Variants in ZPBP observed in about 807,000 individuals in gnomAD.
The protein encoded by ZPBP is zona pellucida-binding protein 1.
Under a neutral mutation model 44.8 loss-of-function variants are expected in ZPBP, and 26 were observed. The ratio of observed to expected loss-of-function variants is 0.58; its 90% CI spans 0.43 to 0.81. The LOEUF (loss-of-function observed/expected upper bound fraction) is 0.81, where lower values mean the gene tolerates loss of function less well. ZPBP is among the 30% of genes least tolerant of loss of function. The pLI is 0.00. For missense variants in ZPBP, 409 were observed against 434.0 expected, an observed-to-expected ratio of 0.94 and a Z score of 0.51; for synonymous variants, 174 against 153.2, an observed-to-expected ratio of 1.14 and a Z score of -1.00.
intron 2 of ZPBP, among the ~76,000 whole-genome samples, chr7:49,890,405 T>C (rs970368462): frequency 6.6e-6 from 1 of 152,212 alleles, no homozygotes; most frequent in African/African-American, 2.4e-5. Flanking sequence ...TGGAAAGGAA[T>C]GCATATATAA....
chr7:50,022,003 GA>G (rs1799121203), intron 5 of ZPBP, among the ~76,000 whole-genome samples: 1 of 152,074 alleles, frequency 6.6e-6, no homozygotes, highest in Non-Finnish European at 1.5e-5. Flanking sequence ...GATTTTTCAT[GA>G]AAAACCACAG....
intron 3 of ZPBP, among the ~76,000 whole-genome samples, chr7:50,079,078 G>A (rs893055155): frequency 1.3e-5 from 2 of 151,438 alleles, no homozygotes; most frequent in African/African-American, 4.8e-5. Flanking sequence ...TATCTATAAA[G>A]AGATAACACA....
intron 6 of ZPBP, among the ~76,000 whole-genome samples, chr7:49,999,101 A>G (rs1797984302): frequency 6.6e-6 from 1 of 151,868 alleles, no homozygotes; most frequent in Non-Finnish European, 1.5e-5. Flanking sequence ...AAAACCCAAA[A>G]CACTTCTGGT....
intron 6 of ZPBP, among the ~76,000 whole-genome samples, chr7:50,016,696 A>G (rs751463304): frequency 4.0e-4 from 61 of 152,240 alleles, no homozygotes; most frequent in Non-Finnish European, 7.6e-4. Flanking sequence ...CCCATTTCCA[A>G]ATAAATTATC....
intron 7 of ZPBP, among the ~76,000 whole-genome samples, chr7:49,978,337 T>C (rs1240457160): frequency 2.0e-5 from 3 of 151,906 alleles, no homozygotes; most frequent in African/African-American, 7.2e-5. Flanking sequence ...AACAAAATGT[T>C]GTACATTATA....
intron 1 of ZPBP, chr7:49,917,754 C>A (rs1032116491): frequency 6.6e-6 from 1 of 151,902 alleles, no homozygotes; most frequent in African/African-American, 2.4e-5. Context: ...ATTTAATGAT[C>A]ATTATTTTAT....
intron 1 of ZPBP, among the ~76,000 whole-genome samples, chr7:49,901,663 G>A (rs1704069071): frequency 6.6e-6 from 1 of 151,784 alleles, no homozygotes; most frequent in Admixed American, 6.6e-5. Context: ...AAAATCCCAG[G>A]AAGCAATTTT....
intron 2 of ZPBP, among the ~76,000 whole-genome samples, chr7:49,865,158 T>C (rs565200023): frequency 4.6e-5 from 7 of 152,332 alleles, no homozygotes; most frequent in Middle Eastern, 3.4e-3. Context: ...TATAAGAATA[T>C]GCCAGTTCAG....
At chr7:49,877,481 A>ATAT (rs1554338250) in intron 2 of ZPBP, among the ~76,000 whole-genome samples, 1 of 12,730 alleles carries the variant, frequency 7.9e-5, no homozygotes, top group Non-Finnish European at 1.4e-4. Context: ...AAAAAAAAAA[A>ATAT]ATATATATAT....
intron 7 of ZPBP, among the ~76,000 whole-genome samples, chr7:49,945,117 G>A (rs771806927): frequency 6.6e-6 from 1 of 152,028 alleles, no homozygotes; most frequent in Non-Finnish European, 1.5e-5. Flanking sequence ...GGTCATTCAG[G>A]AGCATATTGT....
intron 4 of ZPBP, among the ~76,000 whole-genome samples, chr7:50,054,892 G>T (rs1800858594): frequency 6.6e-6 from 1 of 151,758 alleles, no homozygotes; most frequent in Non-Finnish European, 1.5e-5. Flanking sequence ...CAAATAACAA[G>T]ATTTGAATAA....
intron 7 of ZPBP, among the ~76,000 whole-genome samples, chr7:49,968,921 G>A (rs370036669): frequency 1.3e-4 from 19 of 151,858 alleles, no homozygotes; most frequent in East Asian, 1.2e-3. Flanking sequence ...CATAGACATA[G>A]GATGAATAAA....
chr7:49,882,864 TTTG>T (rs201572339), intron 2 of ZPBP, among the ~76,000 whole-genome samples: 68 of 152,018 alleles, frequency 4.5e-4, no homozygotes, highest in Non-Finnish European at 8.4e-4. Context: ...TTTTTTTGTT[TTTG>T]TTGTTGTTGT....
chr7:49,907,476 T>C (rs1294628670), intron 1 of ZPBP, among the ~76,000 whole-genome samples: 2 of 152,172 alleles, frequency 1.3e-5, no homozygotes, highest in Non-Finnish European at 2.9e-5. Flanking sequence ...TAGGAGAGTA[T>C]ATTAAGGATT....
At chr7:49,895,465 C>T (rs1212452273) in intron 2 of ZPBP, among the ~76,000 whole-genome samples, 3 of 152,166 alleles carry the variant, frequency 2.0e-5, no homozygotes, top group Admixed American at 6.5e-5. Context: ...ACAAAAAAAC[C>T]CTTCACAATG....
rs575520763 is a variant in ZPBP, at chr7:50,081,064, T to C, written c.334+710A>G. Among the ~76,000 whole-genome samples, 5 of 151,876 alleles carry C rather than the reference T, an allele frequency of 3.3e-5. No homozygotes were observed. The South Asian group carries it at 1.0e-3, about 32-fold the overall frequency. ...GATCTCTTAGCTATATAAATATGAA[T>C]TAAAACATATTAAAAATTAGTATTT... On this transcript the variant is annotated intron_variant, in intron 3 of 7. Transcript: ENST00000046087.
chr7:49,973,145 G>C (rs1796366872), intron 7 of ZPBP, among the ~76,000 whole-genome samples: 1 of 151,784 alleles, frequency 6.6e-6, no homozygotes. Flanking sequence ...GGGAAAGTCT[G>C]ATGACACTGA....
At chr7:50,010,004 G>A (rs1158144648) in intron 6 of ZPBP, among the ~76,000 whole-genome samples, 2 of 152,054 alleles carry the variant, frequency 1.3e-5, no homozygotes, top group Admixed American at 1.3e-4. Flanking sequence ...AGAAGATGTA[G>A]AGACATATCA....
intron 2 of ZPBP, among the ~76,000 whole-genome samples, chr7:49,888,023 T>G (rs1791972668): frequency 6.6e-6 from 1 of 152,226 alleles, no homozygotes; most frequent in Admixed American, 6.5e-5. Flanking sequence ...TTGTCCTTGT[T>G]GCTAGAGGCA....
Sources: gnomAD v4.1 joint callset for allele counts (sites outside exome capture counted in the v4.1 genomes callset) on GRCh38, gnomAD v4.1.1 for gene constraint, MANE v1.5 for transcripts, NCBI Gene and HGNC (gene_info 2026-07-23, HGNC 2026-07-21) for gene names.